SASH1: variants seen among roughly 807,000 people sequenced by gnomAD.
The protein encoded by SASH1 is SAM and SH3 domain-containing protein 1.
A neutral mutation model predicts 125.2 loss-of-function variants in SASH1; 44 were observed. The ratio of observed to expected loss-of-function variants is 0.35; its 90% CI spans 0.28 to 0.45. The LOEUF is 0.45. Among genes scored for constraint, SASH1 ranks in the 20% least tolerant of loss-of-function variants. The pLI is 1.00. For missense variants in SASH1, 1,426 were observed against 1,614.5 expected (o/e 0.88, Z 2.00); for synonymous variants, 639 against 649.1 (o/e 0.98, Z 0.24).
At chr6:148,504,895 G>C (rs768102421) in intron 8 of SASH1, among the ~76,000 whole-genome samples, 13 of 152,200 alleles carry the variant, frequency 8.5e-5, no homozygotes, top group Non-Finnish European at 1.5e-4. Flanking sequence ...GGACAAGGTC[G>C]GCTCTCTCTC....
chr6:148,520,114 G>C, intron 10 of SASH1: 1 of 544,408 alleles, frequency 1.8e-6, no homozygotes, highest in Non-Finnish European at 3.3e-6. Context: ...GGCAAAGGGG[G>C]CGGGAGCTGC....
At chr6:148,378,814 A>G (rs1180521256) in intron 1 of SASH1, among the ~76,000 whole-genome samples, 2 of 152,220 alleles carry the variant, frequency 1.3e-5, no homozygotes, top group South Asian at 2.1e-4. Context: ...TCTGCTGTCA[A>G]GGATCACAGA....
At chr6:148,443,678 T>C (rs1776654200) in intron 4 of SASH1, among the ~76,000 whole-genome samples, 2 of 151,962 alleles carry the variant, frequency 1.3e-5, no homozygotes, top group Non-Finnish European at 2.9e-5. Context: ...GATTATTTTG[T>C]ATAAAATCTC....
At chr6:148,499,066 T>TTG (rs1554264920) in intron 8 of SASH1, among the ~76,000 whole-genome samples, 14 of 149,552 alleles carry the variant, frequency 9.4e-5, no homozygotes, top group Non-Finnish European at 1.6e-4. Flanking sequence ...TGTTTTTTTT[T>TTG]TTTTTTTTGG....
intron 1 of SASH1, among the ~76,000 whole-genome samples, chr6:148,308,405 T>C (rs1208249851): frequency 6.6e-6 from 1 of 151,684 alleles, no homozygotes; most frequent in Non-Finnish European, 1.5e-5. Flanking sequence ...AGCTTTTTTT[T>C]TTTTTTTGAG....
At chr6:148,298,064 T>C (rs893786478) in intron 1 of SASH1, among the ~76,000 whole-genome samples, 2 of 150,346 alleles carry the variant, frequency 1.3e-5, no homozygotes, top group Non-Finnish European at 1.5e-5. Context: ...TGGACTCCAG[T>C]GGCACGGTCT....
At chr6:148,335,863 C>T (rs972360388) in intron 1 of SASH1, among the ~76,000 whole-genome samples, 10 of 152,094 alleles carry the variant, frequency 6.6e-5, no homozygotes, top group African/African-American at 2.2e-4. Context: ...AGAGTTGACT[C>T]CTCTTCATGA....
intron 2 of SASH1, among the ~76,000 whole-genome samples, chr6:148,420,522 A>C (rs1785015217): frequency 6.6e-6 from 1 of 152,046 alleles, no homozygotes; most frequent in Admixed American, 6.6e-5. Context: ...AAACACACAA[A>C]ATTTCCTTCC....
chr6:148,311,708 G>A (rs968995876), intron 1 of SASH1, among the ~76,000 whole-genome samples: 1 of 152,138 alleles, frequency 6.6e-6, no homozygotes. Context: ...GGAGGCTGAG[G>A]TAGGAGGATC....
chr6:148,310,302 C>T (rs1290246136), intron 1 of SASH1, among the ~76,000 whole-genome samples: 1 of 151,586 alleles, frequency 6.6e-6, no homozygotes, highest in Non-Finnish European at 1.5e-5. Flanking sequence ...AGCTGGGCGA[C>T]AAGAGTGAAA....
At chr6:148,249,824 T>C in the SASH1 span, among the ~76,000 whole-genome samples, 5 of 152,164 alleles carry the variant, frequency 3.3e-5, no homozygotes, top group Admixed American at 1.3e-4. Context: ...CTAAAATATA[T>C]AGCCTAGGGC....
At chr6:148,412,381 T>C (rs1349107165) in intron 2 of SASH1, among the ~76,000 whole-genome samples, 2 of 152,318 alleles carry the variant, frequency 1.3e-5, no homozygotes, top group Middle Eastern at 3.4e-3. Flanking sequence ...AAATTATAGT[T>C]ACACCTACAG....
intron 7 of SASH1, chr6:148,480,431 A>G (rs536952776): frequency 1.3e-5 from 2 of 152,130 alleles, no homozygotes; most frequent in Non-Finnish European, 2.9e-5. Flanking sequence ...AAACTGCCTC[A>G]GAGGGTGTGA....
the SASH1 span, among the ~76,000 whole-genome samples, chr6:148,251,146 G>A: frequency 1.3e-5 from 2 of 152,148 alleles, no homozygotes; most frequent in African/African-American, 4.8e-5. Context: ...TTAGGAACTC[G>A]TTATGTGGCT....
At chr6:148,486,117 C>G (rs548706084) in intron 7 of SASH1, among the ~76,000 whole-genome samples, 1 of 151,934 alleles carries the variant, frequency 6.6e-6, no homozygotes, top group South Asian at 2.1e-4. Flanking sequence ...TTTGCTATAG[C>G]CTTTCTTTCC....
At chr6:148,363,210 C>T (rs1057137451) in intron 1 of SASH1, among the ~76,000 whole-genome samples, 2 of 152,224 alleles carry the variant, frequency 1.3e-5, no homozygotes, top group African/African-American at 4.8e-5. Context: ...GTCCTCAATC[C>T]TTTGAATGCA....
chr6:148,440,497 G>T, intron 4 of SASH1, 90 bp downstream of exon 4: 1 of 1,068,610 alleles, frequency 9.4e-7, no homozygotes, highest in African/African-American at 1.6e-5. Context: ...GATCATGTGC[G>T]TATGTACTAT....
At chr6:148,388,609 C>T (rs780352098) in intron 1 of SASH1, among the ~76,000 whole-genome samples, 2 of 152,138 alleles carry the variant, frequency 1.3e-5, no homozygotes, top group African/African-American at 2.4e-5. Context: ...ATTTTTTTCC[C>T]GTCTCTGTTT....
intron 1 of SASH1, among the ~76,000 whole-genome samples, chr6:148,310,249 G>A (rs1262823930): frequency 6.6e-6 from 1 of 152,122 alleles, no homozygotes. Context: ...TTGAACCCAG[G>A]AGACGGAGGT....
Sources: gnomAD v4.1 joint callset for allele counts (sites outside exome capture counted in the v4.1 genomes callset) on GRCh38, gnomAD v4.1.1 for gene constraint, MANE v1.5 for transcripts, NCBI Gene and HGNC (gene_info 2026-07-23, HGNC 2026-07-21) for gene names.